Variants in ITSN1 observed in about 807,000 individuals in gnomAD.
ITSN1 encodes intersectin-1.
A neutral mutation model predicts 239.8 loss-of-function variants in ITSN1; 58 were observed. That is an observed-to-expected ratio of 0.24 (90% CI 0.20 to 0.30). The LOEUF is 0.30. Among genes scored for constraint, ITSN1 ranks in the 10% least tolerant of loss-of-function variants. ITSN1 has a pLI of 1.00. For synonymous variants in ITSN1, 780 were observed against 770.8 expected, an observed-to-expected ratio of 1.01 and a Z score of -0.20; for missense variants, 1,558 against 2,103.3, an observed-to-expected ratio of 0.74 and a Z score of 5.07.
rs74705728 is a variant in ITSN1, at chr21:33,709,339, T to G, written c.-32-9458T>G. On this transcript the variant is annotated intron_variant, in intron 1 of 39. Transcript: ENST00000381318. Reference sequence around the variant, plus strand: ...TCTAAGTGTAGAGGCCTTGTATATGTTTTTTTGTGTGTTTGTTTGAGACGG... The same window carrying G: ...TCTAAGTGTAGAGGCCTTGTATATGGTTTTTTGTGTGTTTGTTTGAGACGG... Among the ~76,000 whole-genome samples, 548 of 152,292 alleles carry G rather than the reference T, an allele frequency of 3.6e-3. 2 individuals are homozygous for G. Among genetic ancestry groups the G allele is most frequent in the African/African-American group, 0.012 (519 of 41,572 alleles).
chr21:33,854,941 A>G (rs1979032212), intron 29 of ITSN1, among the ~76,000 whole-genome samples: 1 of 152,202 alleles, frequency 6.6e-6, no homozygotes, highest in African/African-American at 2.4e-5. Context: ...TTCCTGTCCC[A>G]GCAAGAGAAG....
intron 33 of ITSN1, among the ~76,000 whole-genome samples, chr21:33,871,023 C>T (rs991851757): frequency 1.3e-5 from 2 of 151,858 alleles, no homozygotes; most frequent in East Asian, 1.9e-4. Context: ...CCCAGCTGCT[C>T]GAGAGGCTGA....
intron 1 of ITSN1, among the ~76,000 whole-genome samples, chr21:33,652,930 C>T (rs1327950821): frequency 6.6e-6 from 1 of 151,552 alleles, no homozygotes; most frequent in Non-Finnish European, 1.5e-5. Context: ...CATCGTTCCC[C>T]AAAACTGAGG....
chr21:33,752,177 G>A (rs2147497329), intron 7 of ITSN1, among the ~76,000 whole-genome samples: 1 of 151,468 alleles, frequency 6.6e-6, no homozygotes, highest in Admixed American at 6.6e-5. Flanking sequence ...CAAATGGATA[G>A]TAATAAAATG....
chr21:33,787,130 A>T (rs1569179441), intron 16 of ITSN1, among the ~76,000 whole-genome samples: 1 of 152,152 alleles, frequency 6.6e-6, no homozygotes, highest in Admixed American at 6.6e-5. Context: ...GCGTGTGTGT[A>T]TGGTGGTGTA....
At chr21:33,818,201 C>A in intron 22 of ITSN1, 66 bp from the exon 23 acceptor site, 1 of 1,355,346 alleles carries the variant, frequency 7.4e-7, no homozygotes, top group Non-Finnish European at 1.0e-6. Flanking sequence ...GTGCCATGCT[C>A]ACGTCTGCCC....
intron 11 of ITSN1, among the ~76,000 whole-genome samples, chr21:33,771,539 G>A (rs909046951): frequency 1.3e-5 from 2 of 152,198 alleles, no homozygotes; most frequent in African/African-American, 4.8e-5. Flanking sequence ...GTTAAAGAAG[G>A]AAACTGAATA....
At position 33,858,728 on chromosome 21, in the gene ITSN1, A is replaced by G; in HGVS notation, c.3826A>G (p.Lys1276Glu). ...PLMESELLTE[K>E]EVAMIFVNWK... ...GATGGAGTCTGAGCTGCTGACAGAA[A>G]AAGAGGTTGCTATGATTTTTGTGAA... Residue 1276 changes from lysine (K) to glutamate (E), a missense_variant, in exon 31 of 40, where the codon AAA becomes GAA. Physicochemically the swap from Lys to Glu is moderately conservative, Grantham distance 56 (BLOSUM62 1). Coordinates refer to ENST00000381318, the MANE Select transcript of ITSN1 (RefSeq NM_003024.3). 1.9e-6 allele frequency: 3 copies of G among 1,614,058 alleles called. No individual in the cohort carries two copies. The highest frequency in any genetic ancestry group is 1.7e-6 in the Non-Finnish European group (2 of 1,179,938).
rs143303918 is a variant in ITSN1 at position 33,724,216 on chromosome 21, C to T, written c.185+1565C>T. Among the ~76,000 whole-genome samples, 385 of 152,130 alleles carry T rather than the reference C, an allele frequency of 2.5e-3. 1 individual carries two copies. The highest frequency in any genetic ancestry group is 8.1e-3 in the African/African-American group (335 of 41,486). On this transcript the variant is annotated intron_variant, in intron 4 of 39. Coordinates refer to ENST00000381318, the MANE Select transcript of ITSN1 (RefSeq NM_003024.3). ...TTTTCCTGGTTGTCAGCATATTGGCCGCCAGACTGTCTCTAAACTAGTGTG... is the reference window on the plus strand; with the variant it reads ...TTTTCCTGGTTGTCAGCATATTGGCTGCCAGACTGTCTCTAAACTAGTGTG...
Position 33,818,291 on chromosome 21 carries a change from G to A in ITSN1, c.2752G>A (p.Ala918Thr). The change falls in exon 23 of 40, where the codon GCT becomes ACT. Residue 918 changes from alanine (A) to threonine (T), a missense_variant. By Grantham distance (58) the Ala-to-Thr change is moderately conservative. Around this residue, in one of 2 missense-constraint regions of ITSN1, gnomAD observed 982 missense variants for 1,209.9 expected, o/e 0.81. Transcript: ENST00000381318. ...GQGEKVEGLQ[A>T]QALYPWRAKK... is the part of the protein sequence containing the mutation. ...GGGTGAAAAGGTGGAGGGGCTACAA[G>A]CTCAAGCCCTATATCCTTGGAGAGC... is the stretch of plus-strand genomic sequence containing the variant. 1 of 1,614,146 alleles carries A rather than the reference G, an allele frequency of 6.2e-7. No individual in the cohort carries two copies. The highest frequency in any genetic ancestry group is 8.5e-7 in the Non-Finnish European group (1 of 1,179,994).
At chr21:33,763,062 G>C (rs1191572082) in intron 9 of ITSN1, among the ~76,000 whole-genome samples, 2 of 151,906 alleles carry the variant, frequency 1.3e-5, no homozygotes, top group Non-Finnish European at 2.9e-5. Context: ...ACATTCCTTA[G>C]AGTGCCTCAG....
At chr21:33,792,656 T>C (rs1408240244) in intron 16 of ITSN1, among the ~76,000 whole-genome samples, 1 of 152,120 alleles carries the variant, frequency 6.6e-6, no homozygotes, top group Non-Finnish European at 1.5e-5. Flanking sequence ...CTCCCTAGGG[T>C]TGATTTTCTG....
chr21:33,689,980 A>T (rs144313757), intron 1 of ITSN1, among the ~76,000 whole-genome samples: 2,116 of 150,732 alleles, frequency 0.014, 25 homozygotes, highest in Non-Finnish European at 0.021. Flanking sequence ...AAAAAAAAAA[A>T]AATAATTAAA....
At chr21:33,838,749 A>G (rs1245929784) in intron 29 of ITSN1, among the ~76,000 whole-genome samples, 1 of 152,188 alleles carries the variant, frequency 6.6e-6, no homozygotes, top group Non-Finnish European at 1.5e-5. Context: ...ATAGAACTCT[A>G]CCACCCAGTT....
At chr21:33,794,577 T>C in intron 17 of ITSN1, 109 bp downstream of exon 17, 3 of 1,402,902 alleles carry the variant, frequency 2.1e-6, no homozygotes, top group African/African-American at 2.9e-5. Context: ...CTTCAGTCTT[T>C]AGTGTGCATG....
intron 26 of ITSN1, chr21:33,829,326 C>T (rs971839810): frequency 1.1e-4 from 41 of 377,042 alleles, no homozygotes; most frequent in Middle Eastern, 8.2e-4. Context: ...CAGAAGGTGC[C>T]AGGAGTGGGC....
At chr21:33,664,232 C>T (rs1167908002) in intron 1 of ITSN1, among the ~76,000 whole-genome samples, 1 of 152,180 alleles carries the variant, frequency 6.6e-6, no homozygotes, top group Non-Finnish European at 1.5e-5. Flanking sequence ...GTTGCTTTCA[C>T]TCAGTGTGGA....
chr21:33,721,440 A>G (rs2065474577), intron 3 of ITSN1, among the ~76,000 whole-genome samples, 170 bp downstream of exon 3: 1 of 152,184 alleles, frequency 6.6e-6, no homozygotes, highest in Non-Finnish European at 1.5e-5. Context: ...TAATGGAATC[A>G]TACCTTGTTT....
At chr21:33,819,132 G>A (rs1171453284) in intron 23 of ITSN1, 109 bp from the exon 24 acceptor site, 2 of 730,208 alleles carry the variant, frequency 2.7e-6, no homozygotes, top group Non-Finnish European at 4.7e-6. Context: ...TTCAGCTGTG[G>A]GTCGTTTAAA....
Sources: gnomAD v4.1 joint callset for allele counts (sites outside exome capture counted in the v4.1 genomes callset) on GRCh38, gnomAD v4.1.1 for gene constraint, gnomAD v4.1.1 regional missense constraint, MANE v1.5 for transcripts, NCBI Gene and HGNC (gene_info 2026-07-23, HGNC 2026-07-21) for gene names.